The following SLCO1A2 variants were observed in gnomAD, a reference collection of about 807,000 sequenced individuals.
The protein encoded by SLCO1A2 is solute carrier organic anion transporter family member 1A2, also known as OATP-1.
SLCO1A2 carries 67 observed loss-of-function variants against 69.0 expected under a neutral mutation model. The observed-to-expected ratio is 0.97, with a 90% confidence interval of 0.80 to 1.19. The LOEUF is 1.19. Among genes scored for constraint, SLCO1A2 ranks in the 50% most tolerant of loss-of-function variants. SLCO1A2 has a pLI of 0.00. For missense variants in SLCO1A2, 787 were observed against 793.7 expected (o/e 0.99, Z 0.10); for synonymous variants, 260 against 265.9 (o/e 0.98, Z 0.22).
At chr12:21,395,682 G>A (rs940228729), upstream of SLCO1A2, among the ~76,000 whole-genome samples, 5 of 152,166 alleles carry the variant, frequency 3.3e-5, no homozygotes, top group Non-Finnish European at 7.3e-5. Context: ...ATCTGAGAAC[G>A]GGCAGACTGC....
At chr12:21,347,018 C>T (rs1953273501) in intron 2 of SLCO1A2, among the ~76,000 whole-genome samples, 1 of 149,714 alleles carries the variant, frequency 6.7e-6, no homozygotes, top group African/African-American at 2.4e-5. Context: ...GTCAAGACTG[C>T]ATTGTTTTGT....
intron 2 of SLCO1A2, among the ~76,000 whole-genome samples, chr12:21,345,037 C>T (rs1482571199): frequency 1.3e-5 from 2 of 151,906 alleles, no homozygotes; most frequent in South Asian, 2.1e-4. Context: ...TGTTACTTTT[C>T]GTTATCATAA....
At chr12:21,305,742 C>A (rs1949287736) in intron 5 of SLCO1A2, among the ~76,000 whole-genome samples, 1 of 152,228 alleles carries the variant, frequency 6.6e-6, no homozygotes, top group Non-Finnish European at 1.5e-5. Flanking sequence ...TCCTTTGTTT[C>A]CCCCATGGGG....
At chr12:21,278,351 T>A (rs907095962) in intron 12 of SLCO1A2, among the ~76,000 whole-genome samples, 1 of 152,058 alleles carries the variant, frequency 6.6e-6, no homozygotes, top group African/African-American at 2.4e-5. Context: ...AAAACATGGC[T>A]GGATTACCAC....
intron 1 of SLCO1A2, among the ~76,000 whole-genome samples, chr12:21,375,736 G>A (rs1024730279): frequency 6.6e-6 from 1 of 152,192 alleles, no homozygotes; most frequent in Non-Finnish European, 1.5e-5. Flanking sequence ...GAAAACTCTG[G>A]AGAGACAATT....
chr12:21,382,902 T>C (rs535441596), intron 1 of SLCO1A2, among the ~76,000 whole-genome samples: 5 of 152,212 alleles, frequency 3.3e-5, no homozygotes, highest in Non-Finnish European at 5.9e-5. Flanking sequence ...AACTCAGGTA[T>C]ATTGACTCTG....
chr12:21,370,737 A>G (rs1242867340), intron 2 of SLCO1A2, among the ~76,000 whole-genome samples: 10 of 152,190 alleles, frequency 6.6e-5, no homozygotes, highest in African/African-American at 9.6e-5. Context: ...CTAAATGAAC[A>G]CTAGACCATG....
chr12:21,334,333 G>A (rs1267456230), intron 2 of SLCO1A2, among the ~76,000 whole-genome samples: 1 of 152,016 alleles, frequency 6.6e-6, no homozygotes, highest in Non-Finnish European at 1.5e-5. Flanking sequence ...ATGTGTGCCT[G>A]GAAATTTTTA....
chr12:21,279,257 G>T (rs1449240875), intron 12 of SLCO1A2, among the ~76,000 whole-genome samples: 2 of 152,122 alleles, frequency 1.3e-5, no homozygotes, highest in Non-Finnish European at 1.5e-5. Context: ...TTGCCTTAAA[G>T]AAAAGGTAGA....
chr12:21,341,792 T>G (rs1953078092), intron 2 of SLCO1A2, among the ~76,000 whole-genome samples: 1 of 152,040 alleles, frequency 6.6e-6, no homozygotes, highest in Non-Finnish European at 1.5e-5. Context: ...TTAAATCATA[T>G]AAAGGAAACA....
At chr12:21,334,397 A>T (rs1952795575) in intron 2 of SLCO1A2, among the ~76,000 whole-genome samples, 191 bp downstream of exon 2, 1 of 152,090 alleles carries the variant, frequency 6.6e-6, no homozygotes, top group Non-Finnish European at 1.5e-5. Flanking sequence ...AACTTGCCTG[A>T]ATCAATAATC....
At chr12:21,338,620 T>C (rs897469752), upstream of SLCO1A2, among the ~76,000 whole-genome samples, 5 of 152,002 alleles carry the variant, frequency 3.3e-5, no homozygotes, top group Non-Finnish European at 5.9e-5. Context: ...TTTACCACTT[T>C]ACTGTCCAGC....
chr12:21,372,685 T>C (rs569805051), intron 2 of SLCO1A2, among the ~76,000 whole-genome samples: 8 of 152,360 alleles, frequency 5.3e-5, no homozygotes, highest in African/African-American at 1.9e-4. Flanking sequence ...TTCTGCTGTG[T>C]ATGACACACC....
In SLCO1A2 at chr12:21,312,378, T is replaced by G. The variant is rs373751809; in HGVS notation, c.335+2171A>C. Among the ~76,000 whole-genome samples, 19 of 152,342 alleles carry G rather than the reference T, an allele frequency of 1.2e-4. No individual in the cohort carries two copies. In the East Asian group the frequency reaches 3.5e-3, roughly 28 times the overall value. The stretch of plus-strand genomic sequence containing the variant: ...GCTCTTCTGGCTCAAGGGAATGTTG[T>G]GGCTGGCTTAATCTTCTGTTCAGAC... On this transcript the variant is annotated intron_variant, in intron 4 of 14. Transcript: ENST00000683939.
intron 2 of SLCO1A2, among the ~76,000 whole-genome samples, chr12:21,328,991 T>C (rs577868678): frequency 1.3e-5 from 2 of 152,302 alleles, no homozygotes; most frequent in Non-Finnish European, 2.9e-5. Context: ...GGAAGTCCCA[T>C]TTCCAGAGTA....
chr12:21,355,489 C>A (rs541159463), intron 2 of SLCO1A2, among the ~76,000 whole-genome samples: 7 of 152,220 alleles, frequency 4.6e-5, no homozygotes, highest in African/African-American at 1.7e-4. Flanking sequence ...GGAGAAAATA[C>A]TGATACAAGG....
chr12:21,373,796 A>G, intron 2 of SLCO1A2: 4 of 653,032 alleles, frequency 6.1e-6, no homozygotes, highest in South Asian at 1.7e-5. Flanking sequence ...ACTAAAGCAT[A>G]TATTTTTATA....
chr12:21,385,409 C>G (rs1422207409), intron 1 of SLCO1A2, among the ~76,000 whole-genome samples: 1 of 152,178 alleles, frequency 6.6e-6, no homozygotes, highest in Non-Finnish European at 1.5e-5. Flanking sequence ...GTTGAAGAAT[C>G]TCTCATTAAA....
At chr12:21,414,279 C>CT (rs569224454) in intron 1 of SLCO1A2, among the ~76,000 whole-genome samples, 79,142 of 146,212 alleles carry the variant, frequency 0.54, 21,337 homozygotes, top group East Asian at 0.7. Flanking sequence ...CGTCCAGCCT[C>CT]TTTTTTTTTT....
Sources: gnomAD v4.1 joint callset for allele counts (sites outside exome capture counted in the v4.1 genomes callset) on GRCh38, gnomAD v4.1.1 for gene constraint, MANE v1.5 for transcripts, NCBI Gene and HGNC (gene_info 2026-07-23, HGNC 2026-07-21) for gene names.